The following NGFR variants were observed in gnomAD, a reference collection of about 807,000 sequenced individuals.
The protein encoded by NGFR is tumor necrosis factor receptor superfamily member 16.
In NGFR, 30 loss-of-function variants were observed where a neutral mutation model predicts 43.2. That is an observed-to-expected ratio of 0.69 (90% CI 0.52 to 0.94). The LOEUF (loss-of-function observed/expected upper bound fraction) is 0.94. NGFR is among the 40% of genes least tolerant of loss of function. The pLI is 0.00. For missense variants in NGFR, 529 were observed against 602.5 expected (o/e 0.88, Z 1.28); for synonymous variants, 246 against 259.6 (o/e 0.95, Z 0.50).
Position 49,506,410 on chromosome 17 carries a change from G to A in NGFR, c.320G>A (p.Cys107Tyr), listed in dbSNP as rs1371412979. The change falls in exon 3 of 6, where the codon TGC (cysteine) becomes TAC (tyrosine). Residue 107 changes from cysteine (C) to tyrosine (Y), a missense_variant. By Grantham distance (194) the Cys-to-Tyr change is radical. Coordinates refer to ENST00000172229, the MANE Select transcript of NGFR (RefSeq NM_002507.4). ...APCVEADDAV[C>Y]RCAYGYYQDE... ...TGCGTGGAGGCCGACGACGCCGTGT[G>A]CCGCTGCGCCTACGGCTACTACCAG... is the stretch of plus-strand genomic sequence containing the variant. 6.2e-7 allele frequency: 1 copy of A among 1,604,568 alleles called. No individual in the cohort carries two copies.
intron 1 of NGFR, chr17:49,497,033 G>C (rs570083588): frequency 9.8e-5 from 15 of 152,362 alleles, no homozygotes; most frequent in African/African-American, 3.6e-4. Context: ...AAACGACTTG[G>C]CCAAGATCTC....
At chr17:49,500,786 G>C (rs2071163125) in intron 1 of NGFR, among the ~76,000 whole-genome samples, 1 of 152,150 alleles carries the variant, frequency 6.6e-6, no homozygotes, top group Non-Finnish European at 1.5e-5. Flanking sequence ...GGTCTCATGA[G>C]GACCACAGAC....
Position 49,510,485 on chromosome 17 carries a change from G to T in NGFR, c.642G>T (p.Glu214Asp). ...GSDSTAPSTQEPEAPPEQDLI... is the reference protein window; with the variant it reads ...GSDSTAPSTQDPEAPPEQDLI... ...ACAGCACAGCCCCCAGCACCCAGGA[G>T]CCTGAGGCACCTCCAGAACAAGACC... Residue 214 changes from glutamate to aspartate, a missense_variant, in exon 4 of 6, where the codon GAG becomes GAT. By Grantham distance (45) the Glu-to-Asp change is conservative (BLOSUM62 2). Coordinates refer to ENST00000172229, the MANE Select transcript of NGFR (RefSeq NM_002507.4). The T allele has an allele frequency of 6.2e-7, 1 of 1,614,128 alleles. No homozygotes were observed.
chr17:49,506,140 C>A, intron 2 of NGFR, 159 bp from the exon 3 acceptor site: 1 of 1,369,632 alleles, frequency 7.3e-7, no homozygotes, highest in Non-Finnish European at 9.5e-7. Flanking sequence ...CTTTCACAGG[C>A]TAGGGGTCAG....
chr17:49,501,960 T>C (rs866901972), intron 1 of NGFR, 103 bp from the exon 2 acceptor site: 2 of 1,225,828 alleles, frequency 1.6e-6, no homozygotes, highest in East Asian at 2.4e-5. Flanking sequence ...GTGGTTCTAA[T>C]AGAAGGCAGT....
At position 49,513,053 on chromosome 17, in the gene NGFR, G is replaced by T; in HGVS notation, c.*44G>T. On this transcript the variant is annotated 3_prime_UTR_variant, in exon 6 of 6. Transcript: ENST00000172229. ...CGCCCCGCCCCACATTCCGACAACC[G>T]ATGCTCCAGCCAACCCCTGTGGAGC... The T allele has an allele frequency of 6.8e-7, 1 of 1,463,722 alleles. No homozygotes were observed. The highest frequency in any genetic ancestry group is 9.0e-7 in the Non-Finnish European group (1 of 1,107,910). The allele number at this position is 1,463,722 out of a possible 1,614,324, so 90.7% of individuals were successfully genotyped here.
chr17:49,513,097 G>C lies in NGFR; in HGVS notation c.*88G>C, dbSNP rs549229946. On this transcript the variant is annotated 3_prime_UTR_variant, in exon 6 of 6. Transcript: ENST00000172229. ...GTGGAGCCCGCACCCCCACCCTTTG[G>C]GGGGGGCCCGCCTGGCAGAACTGAG... 2.6e-3 allele frequency: 3,542 copies of C among 1,366,106 alleles called. 4 individuals are homozygous for C. Among genetic ancestry groups the C allele is most frequent in the Admixed American group, 4.0e-3 (143 of 35,348 alleles). The allele number at this position is 1,366,106 out of a possible 1,614,324, so 84.6% of individuals were successfully genotyped here.
chr17:49,502,255 G>T, intron 2 of NGFR, 51 bp downstream of exon 2: 1 of 1,541,596 alleles, frequency 6.5e-7, no homozygotes, highest in Non-Finnish European at 8.8e-7. Flanking sequence ...GGAGGGAGGA[G>T]AGGGGTGAAA....
chr17:49,513,413 C>G lies in NGFR; in HGVS notation c.*404C>G, dbSNP rs866412518. ...GCCCCAGAGACTCAGAGGGAGGAATCGAGGAACCAGAGCCATGGACTCTAC... is the reference window on the plus strand; with the variant it reads ...GCCCCAGAGACTCAGAGGGAGGAATGGAGGAACCAGAGCCATGGACTCTAC... On this transcript the variant is annotated 3_prime_UTR_variant, in exon 6 of 6. Transcript: ENST00000172229. 5.1e-6 allele frequency: 1 copy of G among 196,164 alleles called. No individual in the cohort carries two copies. Among genetic ancestry groups the G allele is most frequent in the African/African-American group, 2.3e-5 (1 of 43,034 alleles). The allele number at this position is 196,164 out of a possible 1,614,324, so 12.2% of individuals were successfully genotyped here.
chr17:49,505,019 G>T (rs775582188), intron 2 of NGFR, among the ~76,000 whole-genome samples: 2 of 151,872 alleles, frequency 1.3e-5, no homozygotes, highest in Non-Finnish European at 2.9e-5. Context: ...TGATCTGCTC[G>T]CCTTGGCCTC....
intron 1 of NGFR, among the ~76,000 whole-genome samples, chr17:49,499,637 G>A (rs2071156358): frequency 6.6e-6 from 1 of 151,842 alleles, no homozygotes. Context: ...ACCCAGGCTG[G>A]AGTGCAGTGG....
chr17:49,497,625 G>C (rs952504015), intron 1 of NGFR: 3 of 152,298 alleles, frequency 2.0e-5, no homozygotes, highest in Admixed American at 6.5e-5. Flanking sequence ...GGCTGTGCGC[G>C]GTCCGAGTTT....
chr17:49,513,033 CGCCCCACATTCCGACAACCGAT>C lies in NGFR; in HGVS notation c.*27_*48del. The C allele has an allele frequency of 6.7e-7, 1 of 1,488,524 alleles. No individual in the cohort carries two copies. The highest frequency in any genetic ancestry group is 2.4e-5 in the East Asian group (1 of 41,396). The allele number at this position is 1,488,524 out of a possible 1,614,324, so 92.2% of individuals were successfully genotyped here. A position where few individuals can be genotyped will look rare whatever the true frequency, so the allele number is the denominator to read the frequency against. On this transcript the variant is annotated 3_prime_UTR_variant, in exon 6 of 6. Coordinates refer to ENST00000172229, the MANE Select transcript of NGFR (RefSeq NM_002507.4). Reference sequence around the variant, plus strand: ...GAGCCCAACCGGGGAGCCCCCGCCCCGCCCCACATTCCGACAACCGATGCTCCAGCCAACCCCTGTGGAGCCC... The same window carrying C: ...GAGCCCAACCGGGGAGCCCCCGCCCCGCTCCAGCCAACCCCTGTGGAGCCC...
rs1010649165 is a variant in NGFR, at chr17:49,506,352, G to A, written c.262G>A (p.Glu88Lys). The change falls in exon 3 of 6, where the codon GAG (glutamate) becomes AAG (lysine). Residue 88 changes from glutamate to lysine, a missense_variant. Transcript: ENST00000172229. ...SATEPCKPCT[E>K]CVGLQSMSAP... ...GACCGAGCCGTGCAAGCCGTGCACCGAGTGCGTGGGGCTCCAGAGCATGTC... is the reference window on the plus strand; with the variant it reads ...GACCGAGCCGTGCAAGCCGTGCACCAAGTGCGTGGGGCTCCAGAGCATGTC... 2 of 1,592,922 alleles carry A rather than the reference G, an allele frequency of 1.3e-6. No individual in the cohort carries two copies. Among genetic ancestry groups the A allele is most frequent in the Non-Finnish European group, 1.7e-6 (2 of 1,172,016 alleles).
At chr17:49,499,750 G>A (rs913691983) in intron 1 of NGFR, among the ~76,000 whole-genome samples, 1 of 152,028 alleles carries the variant, frequency 6.6e-6, no homozygotes, top group Non-Finnish European at 1.5e-5. Flanking sequence ...ACCACGCCTG[G>A]CTAATATTTT....
chr17:49,498,765 A>G (rs2071152300), intron 1 of NGFR, among the ~76,000 whole-genome samples: 1 of 152,250 alleles, frequency 6.6e-6, no homozygotes, highest in African/African-American at 2.4e-5. Flanking sequence ...ACTAAGTGTA[A>G]CACATACAAA....
At chr17:49,498,619 A>C (rs1331969947) in intron 1 of NGFR, among the ~76,000 whole-genome samples, 1 of 152,268 alleles carries the variant, frequency 6.6e-6, no homozygotes, top group Admixed American at 6.5e-5. Context: ...TAATTAAAAA[A>C]AATGAAAATT....
chr17:49,507,569 G>A (rs528215783), intron 3 of NGFR, among the ~76,000 whole-genome samples: 1 of 152,338 alleles, frequency 6.6e-6, no homozygotes, highest in Admixed American at 6.5e-5. Context: ...CCCCGTGGGA[G>A]CCAGGGCAGA....
chr17:49,504,036 C>T (rs530416139), intron 2 of NGFR, among the ~76,000 whole-genome samples: 123 of 152,180 alleles, frequency 8.1e-4, no homozygotes, highest in African/African-American at 2.7e-3. Context: ...TCCCCTCCTT[C>T]CCTGTCTCCC....
Sources: gnomAD v4.1 joint callset for allele counts (sites outside exome capture counted in the v4.1 genomes callset) on GRCh38, gnomAD v4.1.1 for gene constraint, MANE v1.5 for transcripts, NCBI Gene and HGNC (gene_info 2026-07-23, HGNC 2026-07-21) for gene names.